DPY19L2: variants seen among roughly 807,000 people sequenced by gnomAD.
DPY19L2 encodes the protein dpy-19 like 2, also known as probable C-mannosyltransferase DPY19L2.
DPY19L2 carries 34 observed loss-of-function variants against 97.9 expected under a neutral mutation model. The ratio of observed to expected loss-of-function variants is 0.35; its 90% CI spans 0.26 to 0.46. The LOEUF is 0.46. Ranked by LOEUF, DPY19L2 falls within the 20% of genes least tolerant of loss-of-function variation. DPY19L2 has a pLI of 1.00. For synonymous variants in DPY19L2, 230 were observed against 307.9 expected (o/e 0.75, Z 2.65); for missense variants, 623 against 911.4 (o/e 0.68, Z 4.07).
chr12:63,615,640 C>CA (rs1351920158), intron 11 of DPY19L2, among the ~76,000 whole-genome samples: 1 of 152,036 alleles, frequency 6.6e-6, no homozygotes, highest in African/African-American at 2.4e-5. Flanking sequence ...TAAAACCAGG[C>CA]AGATATGCAG....
chr12:63,603,101 A>T (rs926136335), intron 12 of DPY19L2, among the ~76,000 whole-genome samples: 1 of 152,178 alleles, frequency 6.6e-6, no homozygotes, highest in Non-Finnish European at 1.5e-5. Context: ...GAAACTAAGG[A>T]AGACATTTAA....
At chr12:63,622,013 A>G (rs770038696) in intron 8 of DPY19L2, among the ~76,000 whole-genome samples, 8 of 152,144 alleles carry the variant, frequency 5.3e-5, no homozygotes, top group Non-Finnish European at 1.0e-4. Flanking sequence ...TAAATTCTGT[A>G]TTGGATTTTG....
At chr12:63,592,171 A>AAGGAAGGG (rs1364990258) in intron 16 of DPY19L2, among the ~76,000 whole-genome samples, 1 of 145,498 alleles carries the variant, frequency 6.9e-6, no homozygotes, top group Non-Finnish European at 1.5e-5. Flanking sequence ...GGCAGGAAAG[A>AAGGAAGGG]AGGAAGGGAG....
intron 6 of DPY19L2, among the ~76,000 whole-genome samples, chr12:63,631,079 G>A (rs1182050164): frequency 2.6e-5 from 4 of 151,888 alleles, no homozygotes; most frequent in African/African-American, 7.3e-5. Flanking sequence ...TGTGTAGAGG[G>A]AAATTTATAG....
At chr12:63,664,774 A>G (rs1302280237) in intron 2 of DPY19L2, among the ~76,000 whole-genome samples, 8 of 152,190 alleles carry the variant, frequency 5.3e-5, no homozygotes, top group Admixed American at 3.9e-4. Context: ...AAAATAAAGC[A>G]AAGTTCCATA....
At chr12:63,654,428 A>G (rs1048124936) in intron 4 of DPY19L2, among the ~76,000 whole-genome samples, 2 of 152,176 alleles carry the variant, frequency 1.3e-5, no homozygotes, top group Non-Finnish European at 1.5e-5. Flanking sequence ...ACAGAAATTG[A>G]AAACCAAGAA....
intron 5 of DPY19L2, among the ~76,000 whole-genome samples, chr12:63,644,706 A>G (rs1003429702): frequency 6.6e-6 from 1 of 151,866 alleles, no homozygotes; most frequent in Non-Finnish European, 1.5e-5. Flanking sequence ...GTGTATATAT[A>G]TGTGTGTGTA....
intron 6 of DPY19L2, among the ~76,000 whole-genome samples, chr12:63,640,803 T>C (rs958605421): frequency 2.6e-5 from 4 of 152,222 alleles, no homozygotes; most frequent in Non-Finnish European, 5.9e-5. Flanking sequence ...TTTTAGTCAT[T>C]GTTGTGTAAC....
chr12:63,632,746 C>G (rs1017280730), intron 6 of DPY19L2, among the ~76,000 whole-genome samples: 2 of 151,986 alleles, frequency 1.3e-5, no homozygotes, highest in Admixed American at 6.6e-5. Flanking sequence ...AAAAAGAGCC[C>G]GCATCGCCAA....
intron 6 of DPY19L2, among the ~76,000 whole-genome samples, chr12:63,635,357 T>C (rs760959254): frequency 3.0e-4 from 45 of 152,106 alleles, no homozygotes; most frequent in Non-Finnish European, 5.9e-4. Flanking sequence ...AGCTGAAAAT[T>C]CTAAAAACCG....
Position 63,621,306 on chromosome 12 carries a change from C to T in DPY19L2, c.985G>A (p.Ala329Thr). 9.6e-7 allele frequency: 1 copy of T among 1,040,584 alleles called. No homozygotes were observed. Among genetic ancestry groups the T allele is most frequent in the South Asian group, 1.4e-5 (1 of 70,588 alleles). 64.5% of individuals were successfully genotyped at this position (1,040,584 alleles called of 1,614,324 possible). A position where few individuals can be genotyped will look rare whatever the true frequency, so the allele number is the denominator to read the frequency against. ...TSSNDRRPFI[A>T]LCLSNVAFML... ...AAAGCAACATTGGAAAGACAGAGTGCAATGAAGGGCCTTCTATCATTGCTT... is the reference window on the plus strand; with the variant it reads ...AAAGCAACATTGGAAAGACAGAGTGTAATGAAGGGCCTTCTATCATTGCTT... Residue 329 changes from alanine to threonine, a missense_variant, in exon 9 of 22, where the codon GCA becomes ACA. Ala to Thr is a moderately conservative substitution (Grantham distance 58, BLOSUM62 0). Around this residue, in one of 6 missense-constraint regions of DPY19L2, gnomAD observed 67 missense variants for 88.0 expected, o/e 0.76. Transcript: ENST00000324472.
At chr12:63,612,062 G>C (rs538557630) in intron 11 of DPY19L2, among the ~76,000 whole-genome samples, 21 of 152,032 alleles carry the variant, frequency 1.4e-4, no homozygotes, top group Middle Eastern at 3.4e-3. Context: ...ATTTACAGAC[G>C]AAAGCGTAGG....
At chr12:63,643,178 A>G (rs1565828358) in intron 6 of DPY19L2, among the ~76,000 whole-genome samples, 1 of 151,966 alleles carries the variant, frequency 6.6e-6, no homozygotes, top group Non-Finnish European at 1.5e-5. Flanking sequence ...ATTTTTCTAG[A>G]TACATGATGT....
intron 6 of DPY19L2, among the ~76,000 whole-genome samples, chr12:63,631,642 GGAGCT>G (rs1448109154): frequency 6.6e-6 from 1 of 152,090 alleles, no homozygotes; most frequent in Non-Finnish European, 1.5e-5. Context: ...GGTAAAAGAA[GGAGCT>G]GGTACCATTC....
At chr12:63,599,848 A>G (rs890971558) in intron 13 of DPY19L2, among the ~76,000 whole-genome samples, 1 of 152,120 alleles carries the variant, frequency 6.6e-6, no homozygotes, top group Non-Finnish European at 1.5e-5. Flanking sequence ...TTCTCTTTTT[A>G]TATAACAAGA....
intron 6 of DPY19L2, among the ~76,000 whole-genome samples, chr12:63,637,136 C>G (rs1891862722): frequency 6.6e-6 from 1 of 152,146 alleles, no homozygotes; most frequent in Non-Finnish European, 1.5e-5. Context: ...GAAACTCACT[C>G]AAAACCACAC....
chr12:63,567,544 C>A (rs1394736281), intron 21 of DPY19L2, among the ~76,000 whole-genome samples: 1 of 151,982 alleles, frequency 6.6e-6, no homozygotes, highest in African/African-American at 2.4e-5. Flanking sequence ...TAAATAATGT[C>A]TTTTAAAGAT....
chr12:63,630,475 A>G (rs1890403456), intron 6 of DPY19L2, among the ~76,000 whole-genome samples: 1 of 152,174 alleles, frequency 6.6e-6, no homozygotes, highest in Non-Finnish European at 1.5e-5. Flanking sequence ...AAATAAGGTA[A>G]TTATATAATG....
At chr12:63,660,352 T>C (rs1291260742) in intron 4 of DPY19L2, among the ~76,000 whole-genome samples, 1 of 151,618 alleles carries the variant, frequency 6.6e-6, no homozygotes, top group Non-Finnish European at 1.5e-5. Context: ...TACAGAAAGT[T>C]CAAAAATACA....
Sources: gnomAD v4.1 joint callset for allele counts (sites outside exome capture counted in the v4.1 genomes callset) on GRCh38, gnomAD v4.1.1 for gene constraint, gnomAD v4.1.1 regional missense constraint, MANE v1.5 for transcripts, NCBI Gene and HGNC (gene_info 2026-07-23, HGNC 2026-07-21) for gene names.